Variants in AHRR observed in about 807,000 individuals in gnomAD.
The protein encoded by AHRR is ahR repressor.
In AHRR, 28 loss-of-function variants were observed where a neutral mutation model predicts 44.0. The ratio of observed to expected loss-of-function variants is 0.64; its 90% CI spans 0.47 to 0.87. The LOEUF is 0.87. Among genes scored for constraint, AHRR ranks in the 40% least tolerant of loss-of-function variants. AHRR has a pLI of 0.00. For synonymous variants in AHRR, 434 were observed against 407.0 expected (o/e 1.07, Z -0.80); for missense variants, 990 against 953.9 (o/e 1.04, Z -0.50).
intron 7 of AHRR, among the ~76,000 whole-genome samples, chr5:426,248 AGATGGATG>A (rs750723893): frequency 5.3e-5 from 8 of 152,096 alleles, no homozygotes; most frequent in Admixed American, 1.3e-4. Flanking sequence ...ATAGATGGGA[AGATGGATG>A]GATGGATGGA....
In AHRR at chr5:388,266, C is replaced by A. The variant is rs1734250960; in HGVS notation, c.351+11550C>A. Among the ~76,000 whole-genome samples the A allele has an allele frequency of 6.6e-6, 1 of 152,314 alleles. No individual in the cohort carries two copies. The highest frequency in any genetic ancestry group is 6.5e-5 in the Admixed American group (1 of 15,304). ...GGGTTGGGGCAGAAACTCAGGCCTC[C>A]CCCCGTCCCGAACCCAAGCCCTGAA... On this transcript the variant is annotated intron_variant, in intron 4 of 10. Coordinates refer to ENST00000684583, the MANE Select transcript of AHRR (RefSeq NM_001377236.1). This position sits in a 1 kb window ranked among gnomAD's most constrained non-coding sequence, Gnocchi z 5.2.
At chr5:333,010 G>A (rs1741985652) in intron 1 of AHRR, among the ~76,000 whole-genome samples, 1 of 144,816 alleles carries the variant, frequency 6.9e-6, no homozygotes, top group African/African-American at 2.6e-5. Flanking sequence ...GTTCGCTTTT[G>A]GTTTCCGTCT....
intron 3 of AHRR, 77 bp from the exon 4 acceptor site, chr5:376,533 A>G: frequency 3.4e-6 from 5 of 1,461,778 alleles, no homozygotes; most frequent in South Asian, 1.4e-5. Flanking sequence ...GCGGGGAAAC[A>G]CAGGAAAGAT....
chr5:353,025 C>T (rs2126392755), intron 2 of AHRR, among the ~76,000 whole-genome samples: 1 of 152,262 alleles, frequency 6.6e-6, no homozygotes, highest in Non-Finnish European at 1.5e-5. Context: ...GGTCAGCTCC[C>T]TCCCTCTCTG....
intron 2 of AHRR, among the ~76,000 whole-genome samples, chr5:349,676 C>T (rs770442751): frequency 1.3e-5 from 2 of 151,988 alleles, no homozygotes; most frequent in African/African-American, 4.8e-5. Context: ...TCTGAGAGTC[C>T]TGTAACTACC....
At chr5:397,392 T>C (rs1331138001) in intron 4 of AHRR, among the ~76,000 whole-genome samples, 4 of 110,332 alleles carry the variant, frequency 3.6e-5, no homozygotes, top group Non-Finnish European at 7.6e-5. Context: ...TGACCATCCA[T>C]GTTAGCCCCT....
intron 5 of AHRR, among the ~76,000 whole-genome samples, chr5:416,039 G>T (rs981937948): frequency 3.3e-5 from 5 of 152,352 alleles, no homozygotes; most frequent in African/African-American, 1.2e-4. Flanking sequence ...CTTGTTTTCT[G>T]CACCGTGGCT....
At chr5:418,488 C>A (rs557743743) in intron 5 of AHRR, among the ~76,000 whole-genome samples, 3 of 152,240 alleles carry the variant, frequency 2.0e-5, no homozygotes, top group Non-Finnish European at 4.4e-5. Flanking sequence ...TCCACATGTG[C>A]CATCTGGCCT....
intron 1 of AHRR, chr5:322,734 C>T (rs1255967274): frequency 1.3e-5 from 2 of 152,250 alleles, no homozygotes; most frequent in African/African-American, 2.4e-5. Flanking sequence ...GTGCCATACC[C>T]ATCCCGCACA....
At chr5:352,668 T>C (rs567537955) in intron 2 of AHRR, among the ~76,000 whole-genome samples, 1 of 143,420 alleles carries the variant, frequency 7.0e-6, no homozygotes, top group South Asian at 2.3e-4. Flanking sequence ...CACTGTGAGG[T>C]TAAATGGGTC....
At chr5:403,678 T>A (rs1408911752) in intron 4 of AHRR, 18 of 669,934 alleles carry the variant, frequency 2.7e-5, no homozygotes, top group Admixed American at 2.7e-5. Flanking sequence ...ATAGTTAAAA[T>A]GGTATTTTTT....
chr5:356,550 C>G (rs1406665886), intron 3 of AHRR, among the ~76,000 whole-genome samples: 20 of 69,122 alleles, frequency 2.9e-4, no homozygotes, highest in South Asian at 6.8e-4. Flanking sequence ...AGTGGAGGCC[C>G]TCAGTCACGG....
intron 4 of AHRR, among the ~76,000 whole-genome samples, chr5:401,125 G>A (rs954645343): frequency 2.0e-5 from 3 of 152,186 alleles, no homozygotes; most frequent in East Asian, 3.9e-4. Context: ...CATGGCCCCC[G>A]GCTGCTTCAC....
At chr5:397,643 ATAGCCCCTGACCATCCACG>A (rs1734792636) in intron 4 of AHRR, among the ~76,000 whole-genome samples, 1 of 48,888 alleles carries the variant, frequency 2.0e-5, no homozygotes, top group Non-Finnish European at 3.7e-5. Flanking sequence ...GACCATCCAC[ATAGCCCCTGACCATCCACG>A]TAGCCCCTGA....
intron 1 of AHRR, among the ~76,000 whole-genome samples, chr5:325,610 C>A (rs1429595663): frequency 6.6e-6 from 1 of 152,172 alleles, no homozygotes; most frequent in African/African-American, 2.4e-5. Context: ...GGGCTGGACC[C>A]TTCCGAAGCA....
Position 367,700 on chromosome 5 carries a change from C to A in AHRR, c.245-8910C>A. The A allele has an allele frequency of 9.7e-6, 6 of 616,644 alleles. No individual in the cohort carries two copies. In the South Asian group the frequency reaches 1.1e-4, roughly 12 times the overall value. 38.2% of individuals were successfully genotyped at this position (616,644 alleles called of 1,614,324 possible). The stretch of plus-strand genomic sequence containing the variant: ...CCCAGCCTCACTTTTAACATCACAG[C>A]CTCTGCCCCTCTGCCCTGACACCAC... On this transcript the variant is annotated intron_variant, in intron 3 of 10. Transcript: ENST00000684583.
intron 3 of AHRR, among the ~76,000 whole-genome samples, chr5:363,982 TA>T (rs988220567): frequency 1.3e-5 from 2 of 152,154 alleles, no homozygotes; most frequent in African/African-American, 4.8e-5. Flanking sequence ...CTAATGCAAG[TA>T]AAAAAAGAGC....
chr5:356,490 C>A (rs1287714314), intron 3 of AHRR, among the ~76,000 whole-genome samples: 1 of 150,288 alleles, frequency 6.7e-6, no homozygotes. Flanking sequence ...TGGAGGCCCT[C>A]AGTCACGGAG....
intron 1 of AHRR, among the ~76,000 whole-genome samples, chr5:323,987 A>T (rs111309927): frequency 6.5e-5 from 9 of 139,358 alleles, no homozygotes; most frequent in Middle Eastern, 3.6e-3. Flanking sequence ...CTTCCTTCCT[A>T]CCTTCCTTTC....
Sources: allele counts gnomAD v4.1 joint callset (sites outside exome capture counted in the v4.1 genomes callset), GRCh38; gene constraint gnomAD v4.1.1; non-coding constraint Gnocchi (gnomAD v3.1); transcripts MANE v1.5; gene names NCBI Gene and HGNC (gene_info 2026-07-23, HGNC 2026-07-21).